Variants in ZNF862 observed in about 807,000 individuals in gnomAD.
ZNF862 encodes the protein zinc finger protein 862.
Under a neutral mutation model 91.1 loss-of-function variants are expected in ZNF862, and 64 were observed. The observed-to-expected ratio is 0.70, with a 90% confidence interval of 0.57 to 0.87. The LOEUF (loss-of-function observed/expected upper bound fraction) is 0.87, where lower values mean the gene tolerates loss of function less well. Ranked by LOEUF, ZNF862 falls within the 40% of genes least tolerant of loss-of-function variation. ZNF862 has a pLI of 0.00. For missense variants in ZNF862, 1,459 were observed against 1,528.0 expected (o/e 0.95, Z 0.75); for synonymous variants, 631 against 618.1 (o/e 1.02, Z -0.31).
chr7:149,849,034 C>T (rs1180382376), intron 4 of ZNF862, among the ~76,000 whole-genome samples: 1 of 152,198 alleles, frequency 6.6e-6, no homozygotes. Context: ...CTCCTGGACT[C>T]AACCAGTCCT....
chr7:149,842,393 G>C (rs372827980), intron 1 of ZNF862, among the ~76,000 whole-genome samples: 17 of 152,312 alleles, frequency 1.1e-4, no homozygotes, highest in African/African-American at 3.8e-4. Flanking sequence ...GAGTGACTGG[G>C]AACCGCTAAA....
intron 1 of ZNF862, 92 bp downstream of exon 1, chr7:149,838,727 G>A: frequency 6.0e-6 from 5 of 838,738 alleles, no homozygotes; most frequent in Non-Finnish European, 8.0e-6. Context: ...CGGAGGCCCC[G>A]CAGATGAGCC....
rs201169621 is a variant in ZNF862, at chr7:149,846,271, C to T, written c.241+16C>T. ...CATCACCCAGGTGAGTGTGGAACTG[C>T]ACTCAGGGGCAGATGCTTGGCTGGA... On this transcript the variant is annotated intron_variant, in intron 3 of 7. Transcript: ENST00000223210. 5.0e-6 allele frequency: 8 copies of T among 1,593,612 alleles called. No homozygotes were observed. The highest frequency in any genetic ancestry group is 6.9e-6 in the Non-Finnish European group (8 of 1,163,272).
At chr7:149,841,173 G>A (rs1801689966) in intron 1 of ZNF862, 2 of 985,408 alleles carry the variant, frequency 2.0e-6, no homozygotes, top group Non-Finnish European at 2.4e-6. Context: ...AAGGAATAGC[G>A]GTGCTGTTCT....
Position 149,846,241 on chromosome 7 carries a change from T to A in ZNF862, c.227T>A (p.Leu76Gln). ...AGCGTCCAGGGCCAGAGGAGCCTTC[T>A]GGAGCATCACCCAGGTGAGTGTGGA... is the stretch of plus-strand genomic sequence containing the variant. ...LGSVQGQRSL[L>Q]EHHPGKKQMG... is the part of the protein sequence containing the mutation. Residue 76 changes from leucine (L) to glutamine (Q), a missense_variant, in exon 3 of 8, where the codon CTG becomes CAG. Transcript: ENST00000223210. The A allele has an allele frequency of 4.3e-6, 7 of 1,613,572 alleles. No individual in the cohort carries two copies. The highest frequency in any genetic ancestry group is 5.1e-6 in the Non-Finnish European group (6 of 1,179,728).
chr7:149,857,814 C>T (rs1258663958), intron 5 of ZNF862, among the ~76,000 whole-genome samples: 1 of 152,138 alleles, frequency 6.6e-6, no homozygotes, highest in African/African-American at 2.4e-5. Context: ...AAACGCTTCC[C>T]GTCTCCTGTT....
chr7:149,862,344 C>T lies in ZNF862; in HGVS notation c.3184C>T (p.Leu1062Phe), dbSNP rs760206769. 4 of 1,613,188 alleles carry T rather than the reference C, an allele frequency of 2.5e-6. No homozygotes were observed. The highest frequency in any genetic ancestry group is 1.3e-5 in the African/African-American group (1 of 74,906). ...GAGGACCAAGCTCTCCAACGAGGTGCTCAACATGCTCATGATGACAGCTGT... is the reference window on the plus strand; with the variant it reads ...GAGGACCAAGCTCTCCAACGAGGTGTTCAACATGCTCATGATGACAGCTGT... ...DERTKLSNEV[L>F]NMLMMTAVNG... The change falls in exon 7 of 8, where the codon CTC (leucine) becomes TTC (phenylalanine). Residue 1062 changes from leucine (L) to phenylalanine (F), a missense_variant. Leu to Phe is a conservative substitution (Grantham distance 22). Transcript: ENST00000223210.
rs994339463 is a variant in ZNF862, at chr7:149,848,299, G to T, written c.806G>T (p.Gly269Val). ...PSSRAELEDP[G>V]GDGAIPAMYL... Reference sequence around the variant, plus strand: ...TCAAGAGCTGAACTAGAGGACCCTGGGGGGGATGGAGCAATTCCTGCAATG... The same window carrying T: ...TCAAGAGCTGAACTAGAGGACCCTGTGGGGGATGGAGCAATTCCTGCAATG... The change falls in exon 4 of 8, where the codon GGG (glycine) becomes GTG (valine). Residue 269 changes from glycine (G) to valine (V), a missense_variant. Physicochemically the swap from Gly to Val is moderately radical, Grantham distance 109 (BLOSUM62 -3). Transcript: ENST00000223210. The T allele has an allele frequency of 7.5e-6, 12 of 1,608,828 alleles. No individual in the cohort carries two copies. In the Admixed American group the frequency reaches 1.9e-4, roughly 25 times the overall value.
In ZNF862 at chr7:149,861,193, T is replaced by C. The variant is rs768662918; in HGVS notation, c.2033T>C (p.Leu678Pro). The change falls in exon 7 of 8, where the codon CTG (leucine) becomes CCG (proline). Residue 678 changes from leucine to proline, a missense_variant. By Grantham distance (98) the Leu-to-Pro change is moderately conservative. Coordinates refer to ENST00000223210, the MANE Select transcript of ZNF862 (RefSeq NM_001099220.3). This position sits in a 1 kb window ranked among gnomAD's most constrained non-coding sequence, Gnocchi z 6.7. ...DGYFETIVSA[L>P]DELDIPFRKP... ...TACTTCGAGACCATCGTTTCTGCCC[T>C]GGATGAGCTGGACATCCCCTTCCGG... is the stretch of plus-strand genomic sequence containing the variant. The C allele has an allele frequency of 3.7e-6, 6 of 1,612,636 alleles. No individual in the cohort carries two copies. The highest frequency in any genetic ancestry group is 1.6e-4 in the Middle Eastern group (1 of 6,062).
At position 149,860,679 on chromosome 7, in the gene ZNF862, T is replaced by TA; in HGVS notation, c.1520dup (p.Tyr507Ter). 6.2e-7 allele frequency: 1 copy of TA among 1,614,024 alleles called. No homozygotes were observed. The highest frequency in any genetic ancestry group is 2.2e-5 in the East Asian group (1 of 44,884). Reference protein sequence around the residue: ...HDKSSRLVRGYTGPFKVETLK... With the variant: ...HDKSSRLVRG ...TAAATCATCTCGGTTAGTCAGAGGT[T>TA]ACACGGGGCCTTTTAAAGTGGAGAC... Residue 507 changes from tyrosine (Y) to a stop codon, truncating the protein, a stop_gained and frameshift_variant, in exon 7 of 8, where the codon TAC (tyrosine) becomes TAAC (stop). Transcript: ENST00000223210. LOFTEE classifies it high-confidence loss of function.
intron 5 of ZNF862, among the ~76,000 whole-genome samples, chr7:149,852,372 T>TGTGTGTGA (rs397724269): frequency 9.7e-5 from 14 of 143,760 alleles, no homozygotes; most frequent in African/African-American, 3.1e-4. Context: ...TGTGTGTGTG[T>TGTGTGTGA]GAGAGAGAGA....
At chr7:149,856,472 C>CG (rs1395353240) in intron 5 of ZNF862, 1 of 152,180 alleles carries the variant, frequency 6.6e-6, no homozygotes. Flanking sequence ...CCTTCATTGT[C>CG]GGACTCTTCC....
rs1462440578 is a variant in ZNF862, at chr7:149,861,615, G to A, written c.2455G>A (p.Gly819Ser). ...CCTCCAGAGGGTGGCAGAGGCTGGG[G>A]GCCAGATTGGGCACCGGGCCAAAGG... Reference protein sequence around the residue: ...RHLQRVAEAGGQIGHRAKGML... With the variant: ...RHLQRVAEAGSQIGHRAKGML... The change falls in exon 7 of 8, where the codon GGC becomes AGC. Residue 819 changes from glycine (G) to serine (S), a missense_variant. Physicochemically the swap from Gly to Ser is moderately conservative, Grantham distance 56. Coordinates refer to ENST00000223210, the MANE Select transcript of ZNF862 (RefSeq NM_001099220.3). This position sits in a 1 kb window ranked among gnomAD's most constrained non-coding sequence, Gnocchi z 6.7. The A allele has an allele frequency of 1.9e-6, 3 of 1,602,188 alleles. No individual in the cohort carries two copies. Among genetic ancestry groups the A allele is most frequent in the East Asian group, 2.2e-5 (1 of 44,480 alleles).
chr7:149,858,543 TC>T (rs1278794263), intron 5 of ZNF862: 1 of 152,146 alleles, frequency 6.6e-6, no homozygotes, highest in Non-Finnish European at 1.5e-5. Flanking sequence ...CTTCACTTCC[TC>T]CCCAGGAGCA....
At position 149,864,166 on chromosome 7, in the gene ZNF862, AG is replaced by A. The variant is rs759831369; in HGVS notation, c.3393del (p.Lys1132SerfsTer14). 1.1e-4 allele frequency: 175 copies of A among 1,595,858 alleles called. 1 individual carries two copies. Among genetic ancestry groups the A allele is most frequent in the Non-Finnish European group, 1.0e-4 (119 of 1,171,520 alleles). ...GALYVEEPRT[Q>X]KPPILPSREA... ...CTCTATGTGGAGGAGCCCAGGACCC[AG>A]AAGCCACCCATCCTGCCCTCCAGGG... On this transcript the variant is annotated frameshift_variant, in exon 8 of 8. Coordinates refer to ENST00000223210, the MANE Select transcript of ZNF862 (RefSeq NM_001099220.3). LOFTEE classifies it low-confidence loss of function (END_TRUNC).
intron 5 of ZNF862, chr7:149,858,565 C>T (rs938400657): frequency 6.6e-6 from 1 of 152,222 alleles, no homozygotes; most frequent in African/African-American, 2.4e-5. Flanking sequence ...CCCACAGGCC[C>T]AGTTGCTTGT....
At position 149,861,410 on chromosome 7, in the gene ZNF862, C is replaced by G. The variant is rs1465348705; in HGVS notation, c.2250C>G (p.Ile750Met). Residue 750 changes from isoleucine to methionine, a missense_variant, in exon 7 of 8, where the codon ATC becomes ATG. Physicochemically the swap from Ile to Met is conservative, Grantham distance 10. Transcript: ENST00000223210. This position sits in a 1 kb window ranked among gnomAD's most constrained non-coding sequence, Gnocchi z 6.7. ...TGGTGAAGAAGTGTGACCGGCACAT[C>G]CGCACCGTCTTCAAGTTTTATCAGT... ...IDLVKKCDRH[I>M]RTVFKFYQSS... 6.2e-7 allele frequency: 1 copy of G among 1,613,226 alleles called. No individual in the cohort carries two copies. Among genetic ancestry groups the G allele is most frequent in the Non-Finnish European group, 8.5e-7 (1 of 1,179,906 alleles).
Position 149,847,950 on chromosome 7 carries a change from A to G in ZNF862, c.457A>G (p.Asn153Asp). ...TGTGCAGTTTCCGTGGCTGATCATGAATGAGGAGCAGACGGCTCTGTTCTG... is the reference window on the plus strand; with the variant it reads ...TGTGCAGTTTCCGTGGCTGATCATGGATGAGGAGCAGACGGCTCTGTTCTG... ...WFVQFPWLIM[N>D]EEQTALFCSA... The change falls in exon 4 of 8, where the codon AAT becomes GAT. Residue 153 changes from asparagine (N) to aspartate (D), a missense_variant. Transcript: ENST00000223210. 6.2e-7 allele frequency: 1 copy of G among 1,608,672 alleles called. No homozygotes were observed. Among genetic ancestry groups the G allele is most frequent in the Non-Finnish European group, 8.5e-7 (1 of 1,177,278 alleles).
Position 149,861,661 on chromosome 7 carries a change from G to A in ZNF862, c.2501G>A (p.Gly834Asp), listed in dbSNP as rs1325667216. 1 of 1,609,730 alleles carries A rather than the reference G, an allele frequency of 6.2e-7. No homozygotes were observed. The highest frequency in any genetic ancestry group is 1.1e-5 in the South Asian group (1 of 90,592). Residue 834 changes from glycine (G) to aspartate (D), a missense_variant, in exon 7 of 8, where the codon GGC becomes GAC. Transcript: ENST00000223210. This position sits in a 1 kb window ranked among gnomAD's most constrained non-coding sequence, Gnocchi z 6.7. ...AAAGGGATGCTGAAGCTCATGCGCG[G>A]CTTCCACTTTGTCAAGTTCTGCCAC... Reference protein sequence around the residue: ...RAKGMLKLMRGFHFVKFCHFL... With the variant: ...RAKGMLKLMRDFHFVKFCHFL...
Sources: gnomAD v4.1 joint callset for allele counts (sites outside exome capture counted in the v4.1 genomes callset) on GRCh38, gnomAD v4.1.1 for gene constraint, Gnocchi (gnomAD v3.1) non-coding constraint, MANE v1.5 for transcripts, NCBI Gene and HGNC (gene_info 2026-07-23, HGNC 2026-07-21) for gene names.